Variants in CNTN1 observed in about 807,000 individuals in gnomAD.
CNTN1 encodes contactin 1.
CNTN1 carries 38 observed loss-of-function variants against 126.4 expected under a neutral mutation model. The ratio of observed to expected loss-of-function variants is 0.30; its 90% CI spans 0.23 to 0.39. CNTN1 has a LOEUF of 0.39. CNTN1 is among the 10% of genes least tolerant of loss of function. The pLI is 1.00. For synonymous variants in CNTN1, 413 were observed against 422.6 expected (o/e 0.98, Z 0.28); for missense variants, 1,009 against 1,248.4 (o/e 0.81, Z 2.89).
At chr12:40,948,642 C>A (rs1277853670) in intron 14 of CNTN1, among the ~76,000 whole-genome samples, 1 of 152,124 alleles carries the variant, frequency 6.6e-6, no homozygotes, top group East Asian at 1.9e-4. Flanking sequence ...GACTGCCAAC[C>A]CTGTAATCTC....
chr12:40,855,668 A>G (rs1942881229), intron 1 of CNTN1, among the ~76,000 whole-genome samples: 1 of 152,114 alleles, frequency 6.6e-6, no homozygotes, highest in Admixed American at 6.5e-5. Context: ...ATATAACTAC[A>G]TTTCAAATTC....
intron 1 of CNTN1, among the ~76,000 whole-genome samples, chr12:40,737,888 A>G (rs1358251245): frequency 6.6e-6 from 1 of 152,106 alleles, no homozygotes. Flanking sequence ...CATCACAAAT[A>G]AAGAGTAATA....
intron 1 of CNTN1, among the ~76,000 whole-genome samples, chr12:40,726,021 T>G (rs1942343363): frequency 6.6e-6 from 1 of 152,166 alleles, no homozygotes; most frequent in Admixed American, 6.5e-5. Flanking sequence ...TAATAACTGA[T>G]GAGAAGACAT....
At chr12:40,843,101 A>G (rs925886477) in intron 1 of CNTN1, among the ~76,000 whole-genome samples, 1 of 152,164 alleles carries the variant, frequency 6.6e-6, no homozygotes, top group South Asian at 2.1e-4. Flanking sequence ...TTCATTTCCA[A>G]TGAAAACTAA....
At chr12:41,006,297 G>T (rs1231408690) in intron 17 of CNTN1, among the ~76,000 whole-genome samples, 7 of 152,162 alleles carry the variant, frequency 4.6e-5, no homozygotes, top group African/African-American at 1.4e-4. Context: ...TGGAAGGGAG[G>T]GCTAAGGTGT....
intron 1 of CNTN1, among the ~76,000 whole-genome samples, chr12:40,776,206 C>G (rs1423002599): frequency 6.6e-6 from 1 of 151,502 alleles, no homozygotes; most frequent in Non-Finnish European, 1.5e-5. Context: ...ACAGTTGGGA[C>G]TCATTACTGA....
Position 40,720,913 on chromosome 12 carries a change from A to C in CNTN1, c.-77+28321A>C, listed in dbSNP as rs1592010037. Among the ~76,000 whole-genome samples, 4 of 151,632 alleles carry C rather than the reference A, an allele frequency of 2.6e-5. No individual in the cohort carries two copies. The South Asian group carries it at 8.4e-4, about 32-fold the overall frequency. On this transcript the variant is annotated intron_variant, in intron 1 of 23. Coordinates refer to ENST00000551295, the MANE Select transcript of CNTN1 (RefSeq NM_001843.4). ...CACTGCACTCCAGCCTATTTGTAACAGAGGAAGACTCTGTCTCAAAAAAAC... is the reference window on the plus strand; with the variant it reads ...CACTGCACTCCAGCCTATTTGTAACCGAGGAAGACTCTGTCTCAAAAAAAC...
chr12:40,791,442 T>C (rs1565741000), intron 1 of CNTN1, among the ~76,000 whole-genome samples: 3 of 152,164 alleles, frequency 2.0e-5, no homozygotes, highest in South Asian at 2.1e-4. Flanking sequence ...TCATTTTCTC[T>C]ACTAGACCAG....
In CNTN1 at chr12:40,813,360, AC is replaced by A. The variant is rs1941155612; in HGVS notation, c.-76-94996del. ...CCCTCCCCTCAACCCCCAACCCACA[AC>A]AGGCCAGGGTATGTGTTGTTCCCCT... On this transcript the variant is annotated intron_variant, in intron 1 of 23. Coordinates refer to ENST00000551295, the MANE Select transcript of CNTN1 (RefSeq NM_001843.4). Among the ~76,000 whole-genome samples, 3 of 151,636 alleles carry A rather than the reference AC, an allele frequency of 2.0e-5. No individual in the cohort carries two copies. In the South Asian group the frequency reaches 6.3e-4, roughly 32 times the overall value.
chr12:40,945,638 T>G (rs951449639), intron 14 of CNTN1, among the ~76,000 whole-genome samples: 1 of 151,110 alleles, frequency 6.6e-6, no homozygotes, highest in Non-Finnish European at 1.5e-5. Context: ...TACATTGTGC[T>G]GGTACATGTA....
chr12:40,718,193 A>G (rs2121200603), intron 1 of CNTN1, among the ~76,000 whole-genome samples: 1 of 152,256 alleles, frequency 6.6e-6, no homozygotes, highest in Non-Finnish European at 1.5e-5. Flanking sequence ...GTTTTGAGAC[A>G]GAATCTTGCT....
intron 1 of CNTN1, among the ~76,000 whole-genome samples, chr12:40,892,432 G>T (rs575506108): frequency 4.6e-5 from 7 of 151,986 alleles, no homozygotes; most frequent in Non-Finnish European, 8.8e-5. Context: ...AGCCACATTA[G>T]AATTTTTCCA....
chr12:40,698,914 C>T (rs1346949871), intron 1 of CNTN1, among the ~76,000 whole-genome samples: 1 of 152,146 alleles, frequency 6.6e-6, no homozygotes, highest in Non-Finnish European at 1.5e-5. Flanking sequence ...ATCTTGTTTC[C>T]TCTTTTCTCG....
chr12:40,908,739 C>T (rs1311761682), intron 2 of CNTN1, among the ~76,000 whole-genome samples: 1 of 151,904 alleles, frequency 6.6e-6, no homozygotes, highest in Non-Finnish European at 1.5e-5. Flanking sequence ...TGGGGAGATC[C>T]CTGGAGTGTA....
intron 23 of CNTN1, among the ~76,000 whole-genome samples, chr12:41,033,070 AT>A (rs1425534888): frequency 6.6e-6 from 1 of 152,174 alleles, no homozygotes; most frequent in East Asian, 1.9e-4. Context: ...TGATCCGCAA[AT>A]TTGATTCTTA....
At chr12:40,962,071 TA>T (rs1947123457) in intron 15 of CNTN1, among the ~76,000 whole-genome samples, 1 of 152,134 alleles carries the variant, frequency 6.6e-6, no homozygotes, top group Admixed American at 6.6e-5. Context: ...TGAGGATCGC[TA>T]AAAAATTTTT....
chr12:40,795,274 T>TACACAC (rs71078269), intron 1 of CNTN1, among the ~76,000 whole-genome samples: 1 of 124,166 alleles, frequency 8.1e-6, no homozygotes, highest in African/African-American at 3.1e-5. Flanking sequence ...TCTACATGTA[T>TACACAC]ACACACACAC....
chr12:41,001,142 T>C (rs547379543), intron 17 of CNTN1, among the ~76,000 whole-genome samples: 2 of 152,322 alleles, frequency 1.3e-5, no homozygotes, highest in South Asian at 2.1e-4. Flanking sequence ...TTTGGGTATA[T>C]ACTCAGTAAT....
chr12:40,825,204 C>T (rs1391416515), intron 1 of CNTN1, among the ~76,000 whole-genome samples: 1 of 152,074 alleles, frequency 6.6e-6, no homozygotes, highest in South Asian at 2.1e-4. Context: ...AGAAAGCATG[C>T]CTTAAATCTT....
Sources: allele counts gnomAD v4.1 joint callset (sites outside exome capture counted in the v4.1 genomes callset), GRCh38; gene constraint gnomAD v4.1.1; transcripts MANE v1.5; gene names NCBI Gene and HGNC (gene_info 2026-07-23, HGNC 2026-07-21).